The following STK3 variants were observed in gnomAD, a reference collection of about 807,000 sequenced individuals.
STK3 encodes serine/threonine-protein kinase 3.
A neutral mutation model predicts 58.0 loss-of-function variants in STK3; 41 were observed. The observed-to-expected ratio is 0.71, with a 90% CI of 0.55 to 0.92. The LOEUF (loss-of-function observed/expected upper bound fraction) is 0.92. STK3 is among the 40% of genes least tolerant of loss of function. STK3 has a pLI of 0.00. For synonymous variants in STK3, 170 were observed against 191.0 expected (o/e 0.89, Z 0.91); for missense variants, 479 against 602.7 (o/e 0.79, Z 2.15).
chr8:98,858,323 T>TATATATATAGAGAGAGAG (rs1189807446), intron 3 of STK3, among the ~76,000 whole-genome samples: 7 of 16,276 alleles, frequency 4.3e-4, no homozygotes, highest in Admixed American at 1.1e-3. Context: ...TATATATATA[T>TATATATATAGAGAGAGAG]AGAGAGAGAG....
At chr8:98,382,468 A>G (rs1341097812) in intron 1 of STK3, among the ~76,000 whole-genome samples, 1 of 152,124 alleles carries the variant, frequency 6.6e-6, no homozygotes, top group Admixed American at 6.6e-5. Flanking sequence ...TCCCAGCCCC[A>G]GGGTGGTGAG....
At chr8:98,417,080 A>C (rs1023564937) in intron 3 of STK3, among the ~76,000 whole-genome samples, 92 of 152,328 alleles carry the variant, frequency 6.0e-4, no homozygotes, top group Admixed American at 6.0e-3. Context: ...GGGGCTTCTC[A>C]CATGTGGGCT....
At chr8:98,804,915 G>A (rs753111114) in intron 1 of STK3, among the ~76,000 whole-genome samples, 32 of 152,132 alleles carry the variant, frequency 2.1e-4, no homozygotes, top group Non-Finnish European at 1.3e-4. Context: ...TGCTAATGGC[G>A]GAACACTGCT....
chr8:98,659,231 T>C (rs1010843708), intron 6 of STK3, among the ~76,000 whole-genome samples: 4 of 152,224 alleles, frequency 2.6e-5, no homozygotes, highest in African/African-American at 9.6e-5. Flanking sequence ...AGGAGTAATA[T>C]ATCACTTATT....
intron 1 of STK3, among the ~76,000 whole-genome samples, chr8:98,820,598 T>C (rs965416430): frequency 2.0e-5 from 3 of 152,188 alleles, no homozygotes; most frequent in South Asian, 2.1e-4. Flanking sequence ...GAAGAGCCCA[T>C]GTTTTCTGGT....
At chr8:98,824,000 C>A (rs1737224650) in intron 1 of STK3, among the ~76,000 whole-genome samples, 1 of 152,184 alleles carries the variant, frequency 6.6e-6, no homozygotes, top group African/African-American at 2.4e-5. Context: ...CTCTCAACAT[C>A]CTCATCTATA....
intron 2 of STK3, among the ~76,000 whole-genome samples, chr8:98,434,871 G>A (rs955323487): frequency 5.3e-5 from 8 of 152,132 alleles, no homozygotes; most frequent in Admixed American, 5.2e-4. Context: ...AGAAAGAAGG[G>A]AAAAGAGCAG....
At chr8:98,817,994 T>C (rs996352104) in intron 1 of STK3, among the ~76,000 whole-genome samples, 3 of 152,212 alleles carry the variant, frequency 2.0e-5, no homozygotes, top group African/African-American at 2.4e-5. Context: ...AGCTCATCTC[T>C]AGCCACTGTC....
At chr8:98,657,688 G>A (rs1327665108) in intron 6 of STK3, among the ~76,000 whole-genome samples, 2 of 151,936 alleles carry the variant, frequency 1.3e-5, no homozygotes, top group East Asian at 1.9e-4. Flanking sequence ...ATCAGATAAA[G>A]TACTCAGGAT....
At chr8:98,700,821 C>T (rs905340365) in intron 6 of STK3, among the ~76,000 whole-genome samples, 1 of 152,092 alleles carries the variant, frequency 6.6e-6, no homozygotes, top group African/African-American at 2.4e-5. Flanking sequence ...TTTCCTTACC[C>T]CTTTCCCTAT....
chr8:98,697,314 G>A (rs1434938012), intron 6 of STK3, among the ~76,000 whole-genome samples: 1 of 152,052 alleles, frequency 6.6e-6, no homozygotes, highest in East Asian at 1.9e-4. Context: ...ACCAGCTCCT[G>A]GATTCATTAA....
At chr8:98,782,513 G>A in intron 1 of STK3, 1 of 311,060 alleles carries the variant, frequency 3.2e-6, no homozygotes, top group Non-Finnish European at 6.4e-6. Flanking sequence ...GGCTGACCAG[G>A]CAGAGGCCTG....
chr8:98,457,162 G>T (rs1819555301), intron 10 of STK3, among the ~76,000 whole-genome samples: 1 of 152,190 alleles, frequency 6.6e-6, no homozygotes, highest in African/African-American at 2.4e-5. Context: ...TGTCATGAAA[G>T]AACCTAGCTT....
chr8:98,382,580 C>A (rs986778958), intron 1 of STK3, among the ~76,000 whole-genome samples: 14 of 151,800 alleles, frequency 9.2e-5, no homozygotes, highest in South Asian at 2.1e-4. Flanking sequence ...GGGGAGCCTG[C>A]TTTTTTAGCT....
At chr8:98,733,769 T>C (rs998913382) in intron 4 of STK3, among the ~76,000 whole-genome samples, 3 of 152,304 alleles carry the variant, frequency 2.0e-5, no homozygotes, top group African/African-American at 7.2e-5. Flanking sequence ...GCAACATTTA[T>C]TAGTTATTTG....
At position 98,580,222 on chromosome 8, in the gene STK3, C is replaced by T. The variant is rs377222775; in HGVS notation, c.823-433G>A. Among the ~76,000 whole-genome samples the T allele has an allele frequency of 3.9e-5, 6 of 152,248 alleles. No homozygotes were observed. The South Asian group carries it at 8.3e-4, about 21-fold the overall frequency. On this transcript the variant is annotated intron_variant, in intron 7 of 10. Coordinates refer to ENST00000419617, the MANE Select transcript of STK3 (RefSeq NM_006281.4). Reference sequence around the variant, plus strand: ...AAATCAGTGGCCAAAAGGAGAGCAACTATTTTGTTACTTCTTTAACATATT... The same window carrying T: ...AAATCAGTGGCCAAAAGGAGAGCAATTATTTTGTTACTTCTTTAACATATT...
At chr8:98,413,533 C>T in intron 3 of STK3, 1 of 647,922 alleles carries the variant, frequency 1.5e-6, no homozygotes, top group Non-Finnish European at 3.0e-6. Flanking sequence ...GGAGATACTT[C>T]AACTGTGACA....
chr8:98,770,252 T>G (rs945130572), intron 2 of STK3, among the ~76,000 whole-genome samples: 1 of 152,102 alleles, frequency 6.6e-6, no homozygotes, highest in East Asian at 1.9e-4. Context: ...CCACCACCAC[T>G]TATTGCTTCC....
At chr8:98,635,089 A>G (rs965807060) in intron 6 of STK3, among the ~76,000 whole-genome samples, 3 of 152,048 alleles carry the variant, frequency 2.0e-5, no homozygotes, top group Admixed American at 6.6e-5. Context: ...AAAGAGGCAT[A>G]CCCTTCTATA....
Sources: allele counts gnomAD v4.1 joint callset (sites outside exome capture counted in the v4.1 genomes callset), GRCh38; gene constraint gnomAD v4.1.1; transcripts MANE v1.5; gene names NCBI Gene and HGNC (gene_info 2026-07-23, HGNC 2026-07-21).